The following DGKB variants were observed in gnomAD, a reference collection of about 807,000 sequenced individuals.
DGKB encodes diacylglycerol kinase beta.
A neutral mutation model predicts 114.3 loss-of-function variants in DGKB; 67 were observed. The ratio of observed to expected loss-of-function variants is 0.59; its 90% CI spans 0.48 to 0.72. The LOEUF (loss-of-function observed/expected upper bound fraction) is 0.72. Among genes scored for constraint, DGKB ranks in the 30% least tolerant of loss-of-function variants. DGKB has a pLI of 0.00. For missense variants in DGKB, 907 were observed against 975.2 expected (o/e 0.93, Z 0.93); for synonymous variants, 398 against 323.1 (o/e 1.23, Z -2.49).
chr7:14,583,247 A>G lies in DGKB; in HGVS notation c.1434-110T>C. ...TGAAATACGTTTTTATTTTATAAAA[A>G]CTGTAAAATATCTCAGTGATAACTT... On this transcript the variant is annotated intron_variant, in intron 17 of 25. Transcript: ENST00000402815. 4 of 584,724 alleles carry G rather than the reference A, an allele frequency of 6.8e-6. No individual in the cohort carries two copies. The South Asian group carries it at 7.5e-5, about 11-fold the overall frequency. The allele number at this position is 584,724 out of a possible 1,614,324, so 36.2% of individuals were successfully genotyped here. A position where few individuals can be genotyped will look rare whatever the true frequency, so the allele number is the denominator to read the frequency against.
intron 2 of DGKB, among the ~76,000 whole-genome samples, chr7:14,770,012 G>T (rs544326709): frequency 2.0e-5 from 3 of 152,158 alleles, no homozygotes; most frequent in African/African-American, 7.2e-5. Flanking sequence ...CAGGGCTTAG[G>T]ATTTGGACAT....
chr7:14,864,764 G>C (rs183790301), intron 1 of DGKB, among the ~76,000 whole-genome samples: 172 of 151,238 alleles, frequency 1.1e-3, no homozygotes, highest in African/African-American at 4.1e-3. Context: ...ACTGAGCAGA[G>C]GCTATGGACA....
chr7:14,895,994 T>G (rs1321136163), intron 1 of DGKB, among the ~76,000 whole-genome samples: 2 of 151,742 alleles, frequency 1.3e-5, no homozygotes, highest in Non-Finnish European at 3.0e-5. Context: ...GCGTGAAGTT[T>G]TGTTTTCAGG....
At chr7:14,630,330 G>T in intron 13 of DGKB, 62 bp from the exon 14 acceptor site, 2 of 1,328,458 alleles carry the variant, frequency 1.5e-6, no homozygotes, top group South Asian at 2.8e-5. Context: ...ACAAATCAGT[G>T]AAGTTTCTCA....
chr7:14,419,324 A>G (rs1294510408), intron 21 of DGKB, among the ~76,000 whole-genome samples: 1 of 151,970 alleles, frequency 6.6e-6, no homozygotes, highest in African/African-American at 2.4e-5. Context: ...GCTATGCTGT[A>G]ATCAAAATTG....
chr7:14,417,832 C>G (rs923132568), intron 21 of DGKB, among the ~76,000 whole-genome samples: 191 of 151,508 alleles, frequency 1.3e-3, no homozygotes, highest in African/African-American at 4.4e-3. Context: ...GCAAGGTCTT[C>G]AGGATATTTG....
intron 9 of DGKB, among the ~76,000 whole-genome samples, chr7:14,689,207 T>TATTTTTTTTTTA (rs71004326): frequency 5.6e-5 from 7 of 124,928 alleles, no homozygotes; most frequent in East Asian, 2.5e-4. Context: ...TTATTTTTTT[T>TATTTTTTTTTTA]TTTTTTTTTT....
intron 23 of DGKB, among the ~76,000 whole-genome samples, chr7:14,285,238 A>T (rs1800690824): frequency 6.6e-6 from 1 of 152,134 alleles, no homozygotes; most frequent in Admixed American, 6.6e-5. Flanking sequence ...ATATACTGCC[A>T]TTAGGTGGGT....
chr7:14,851,772 T>C (rs1849382479), intron 1 of DGKB, among the ~76,000 whole-genome samples: 1 of 152,222 alleles, frequency 6.6e-6, no homozygotes, highest in Non-Finnish European at 1.5e-5. Context: ...ATGCTCAAAG[T>C]AGCTCATGTG....
chr7:14,806,448 T>C (rs192681421), intron 2 of DGKB, among the ~76,000 whole-genome samples: 1 of 152,114 alleles, frequency 6.6e-6, no homozygotes, highest in Non-Finnish European at 1.5e-5. Context: ...TCTTTACTGC[T>C]AGTGATGTAA....
chr7:14,780,340 C>T lies in DGKB; in HGVS notation c.71-22609G>A, dbSNP rs146312579. Among the ~76,000 whole-genome samples, 7 of 152,306 alleles carry T rather than the reference C, an allele frequency of 4.6e-5. No individual in the cohort carries two copies. In the South Asian group the frequency reaches 1.0e-3, roughly 23 times the overall value. ...TTTGGTCTCTGTGCTTTAGCATCTT[C>T]GCCCACCCTAAAAAACACATTTCCG... On this transcript the variant is annotated intron_variant, in intron 2 of 25. Coordinates refer to ENST00000402815, the MANE Select transcript of DGKB (RefSeq NM_001350709.2).
chr7:14,674,697 G>A (rs1465832748), intron 12 of DGKB, among the ~76,000 whole-genome samples: 1 of 152,106 alleles, frequency 6.6e-6, no homozygotes, highest in Non-Finnish European at 1.5e-5. Flanking sequence ...AATCTGGACA[G>A]AGAGACAACG....
intron 20 of DGKB, among the ~76,000 whole-genome samples, chr7:14,491,945 T>C (rs1439303286): frequency 6.6e-6 from 1 of 151,976 alleles, no homozygotes; most frequent in Non-Finnish European, 1.5e-5. Context: ...ATCTCATACC[T>C]CAGTGCTACA....
chr7:14,961,243 TTTA>T (rs1786826545), intron 1 of DGKB, among the ~76,000 whole-genome samples: 1 of 152,000 alleles, frequency 6.6e-6, no homozygotes, highest in Admixed American at 6.6e-5. Context: ...AAGCTTAGCT[TTTA>T]TTTTTTTCCA....
At chr7:14,408,592 T>A (rs1226117668) in intron 21 of DGKB, among the ~76,000 whole-genome samples, 1 of 152,180 alleles carries the variant, frequency 6.6e-6, no homozygotes, top group Non-Finnish European at 1.5e-5. Context: ...ACAATTGCCA[T>A]TTCTAAGTTA....
intron 6 of DGKB, among the ~76,000 whole-genome samples, chr7:14,707,252 C>T (rs911833862): frequency 1.9e-4 from 28 of 148,010 alleles, no homozygotes; most frequent in African/African-American, 6.8e-4. Context: ...ATACACTCTC[C>T]CAAGACTAAA....
At chr7:14,351,576 GA>G (rs2128607007) in intron 21 of DGKB, among the ~76,000 whole-genome samples, 1 of 152,262 alleles carries the variant, frequency 6.6e-6, no homozygotes, top group Non-Finnish European at 1.5e-5. Context: ...TGGCCCAGTT[GA>G]ATAAAATCAG....
chr7:14,585,467 T>C (rs977358471), intron 17 of DGKB, among the ~76,000 whole-genome samples: 1 of 152,190 alleles, frequency 6.6e-6, no homozygotes, highest in Non-Finnish European at 1.5e-5. Flanking sequence ...CTCAGATTCA[T>C]TCATGTTGTA....
At chr7:14,199,881 CA>C (rs1785573853) in intron 23 of DGKB, among the ~76,000 whole-genome samples, 2 of 151,976 alleles carry the variant, frequency 1.3e-5, no homozygotes. Flanking sequence ...ATACTTACTA[CA>C]ATGTCAGAAA....
Sources: gnomAD v4.1 joint callset for allele counts (sites outside exome capture counted in the v4.1 genomes callset) on GRCh38, gnomAD v4.1.1 for gene constraint, MANE v1.5 for transcripts, NCBI Gene and HGNC (gene_info 2026-07-23, HGNC 2026-07-21) for gene names.